Variants in GRM1 observed in about 807,000 individuals in gnomAD.
GRM1 encodes the protein glutamate metabotropic receptor 1.
In GRM1, 33 loss-of-function variants were observed where a neutral mutation model predicts 90.9. The observed-to-expected ratio is 0.36, with a 90% confidence interval of 0.28 to 0.49. The LOEUF is 0.49. GRM1 is among the 20% of genes least tolerant of loss of function. GRM1 has a pLI of 0.99. For missense variants in GRM1, 1,190 were observed against 1,534.3 expected (o/e 0.78, Z 3.75); for synonymous variants, 700 against 613.2 (o/e 1.14, Z -2.09).
At chr6:146,079,859 C>A (rs1274065989) in intron 1 of GRM1, among the ~76,000 whole-genome samples, 1 of 152,190 alleles carries the variant, frequency 6.6e-6, no homozygotes, top group Non-Finnish European at 1.5e-5. Flanking sequence ...GCAGGCAAAT[C>A]CACCATATCT....
intron 2 of GRM1, among the ~76,000 whole-genome samples, chr6:146,168,302 C>T (rs1451714372): frequency 2.6e-5 from 4 of 151,746 alleles, no homozygotes; most frequent in Non-Finnish European, 5.9e-5. Flanking sequence ...TACTTCTTTA[C>T]GTTGTTATTG....
intron 7 of GRM1, among the ~76,000 whole-genome samples, chr6:146,421,922 G>C (rs952496979): frequency 2.0e-5 from 3 of 151,978 alleles, no homozygotes; most frequent in Non-Finnish European, 4.4e-5. Flanking sequence ...TCAAAAAACA[G>C]GCAAAAATGC....
chr6:146,198,348 G>A (rs867315162), intron 2 of GRM1, among the ~76,000 whole-genome samples: 3 of 152,286 alleles, frequency 2.0e-5, no homozygotes, highest in Middle Eastern at 6.8e-3. Flanking sequence ...ATACAGCATC[G>A]ACCCTGCCTC....
chr6:146,154,362 G>A (rs553117432), intron 1 of GRM1, among the ~76,000 whole-genome samples: 2 of 152,178 alleles, frequency 1.3e-5, no homozygotes, highest in African/African-American at 4.8e-5. Context: ...CCTTCCTCGC[G>A]CCCTCTTCTG....
At chr6:146,292,812 A>G (rs1456614309) in intron 2 of GRM1, among the ~76,000 whole-genome samples, 1 of 152,010 alleles carries the variant, frequency 6.6e-6, no homozygotes, top group Non-Finnish European at 1.5e-5. Context: ...AAATGCATGT[A>G]TACATATGTT....
At position 146,322,224 on chromosome 6, in the gene GRM1, C is replaced by T. The variant is rs568335512; in HGVS notation, c.1186+17378C>T. The stretch of plus-strand genomic sequence containing the variant: ...ACCCTGTTTGCCTGGGTATTACCAG[C>T]AGAGGCTGCAGAACAGCAAAGATTG... On this transcript the variant is annotated intron_variant, in intron 3 of 7. Coordinates refer to ENST00000282753, the MANE Select transcript of GRM1 (RefSeq NM_001278064.2). Among the ~76,000 whole-genome samples the T allele has an allele frequency of 1.3e-4, 20 of 152,330 alleles. No homozygotes were observed. In the East Asian group the frequency reaches 3.7e-3, roughly 28 times the overall value.
intron 2 of GRM1, among the ~76,000 whole-genome samples, chr6:146,254,298 C>A (rs1171410820): frequency 1.3e-5 from 2 of 152,048 alleles, no homozygotes; most frequent in Non-Finnish European, 2.9e-5. Context: ...GAGAGAGTAT[C>A]AAATTGGCAG....
intron 1 of GRM1, among the ~76,000 whole-genome samples, chr6:146,056,889 G>A (rs62434302): frequency 1.3e-5 from 2 of 152,136 alleles, no homozygotes; most frequent in Non-Finnish European, 2.9e-5. Context: ...CAGAGTTTCA[G>A]TACTTGGCTA....
At chr6:146,071,988 T>A (rs1237102703) in intron 1 of GRM1, among the ~76,000 whole-genome samples, 1 of 152,106 alleles carries the variant, frequency 6.6e-6, no homozygotes, top group Non-Finnish European at 1.5e-5. Flanking sequence ...AAAGACAGGA[T>A]CTTGGCAGCA....
intron 2 of GRM1, among the ~76,000 whole-genome samples, chr6:146,252,893 C>G (rs1001164981): frequency 6.6e-6 from 1 of 151,848 alleles, no homozygotes; most frequent in Non-Finnish European, 1.5e-5. Context: ...AACTCTGTCT[C>G]TACTAAAAAT....
rs529260979 is a variant in GRM1, at chr6:146,084,841, A to C, written c.700+54624A>C. Among the ~76,000 whole-genome samples, 224 of 152,302 alleles carry C rather than the reference A, an allele frequency of 1.5e-3. 2 individuals carry two copies. The Middle Eastern group carries it at 0.031, about 21-fold the overall frequency. On this transcript the variant is annotated intron_variant, in intron 1 of 7. Transcript: ENST00000282753. ...TGTCTAATATTGACAGTGCATTGTT[A>C]AAGTCTCCCACTATTATTGTGTGGG...
At chr6:146,040,979 C>G (rs1791079348) in intron 1 of GRM1, among the ~76,000 whole-genome samples, 1 of 151,708 alleles carries the variant, frequency 6.6e-6, no homozygotes, top group Non-Finnish European at 1.5e-5. Context: ...TTCAAATAAC[C>G]TGTCTTCAAG....
At chr6:146,092,363 A>G (rs1582990940) in intron 1 of GRM1, among the ~76,000 whole-genome samples, 5 of 152,270 alleles carry the variant, frequency 3.3e-5, no homozygotes. Context: ...ATACAAACAT[A>G]CAGTCCGTAA....
chr6:146,333,782 A>C (rs930943276), intron 3 of GRM1, among the ~76,000 whole-genome samples: 1 of 152,116 alleles, frequency 6.6e-6, no homozygotes, highest in Non-Finnish European at 1.5e-5. Flanking sequence ...CTTATTTTAC[A>C]AGATGAAAAA....
At chr6:146,293,066 AGGT>A (rs1783046376) in intron 2 of GRM1, among the ~76,000 whole-genome samples, 1 of 152,066 alleles carries the variant, frequency 6.6e-6, no homozygotes, top group African/African-American at 2.4e-5. Context: ...TATCCAGAAT[AGGT>A]AAATCTATAG....
At chr6:146,127,530 G>A (rs1380874849) in intron 1 of GRM1, among the ~76,000 whole-genome samples, 1 of 152,150 alleles carries the variant, frequency 6.6e-6, no homozygotes, top group Non-Finnish European at 1.5e-5. Context: ...GTCCACTTGG[G>A]CTCAAAGGAT....
chr6:146,078,776 G>A (rs181849848), intron 1 of GRM1, among the ~76,000 whole-genome samples: 36 of 152,172 alleles, frequency 2.4e-4, no homozygotes, highest in Admixed American at 1.6e-3. Context: ...GTAATTTTAC[G>A]ATACTGTTAG....
intron 1 of GRM1, among the ~76,000 whole-genome samples, chr6:146,033,206 C>G (rs949966216): frequency 1.3e-5 from 2 of 152,016 alleles, no homozygotes; most frequent in Non-Finnish European, 2.9e-5. Context: ...AGTAATGGAG[C>G]CTTATCCACA....
intron 6 of GRM1, among the ~76,000 whole-genome samples, chr6:146,387,652 A>G (rs911082645): frequency 6.6e-6 from 1 of 152,126 alleles, no homozygotes; most frequent in Non-Finnish European, 1.5e-5. Flanking sequence ...ATGAAAGTTT[A>G]TGACACATTT....
Sources: gnomAD v4.1 joint callset for allele counts (sites outside exome capture counted in the v4.1 genomes callset) on GRCh38, gnomAD v4.1.1 for gene constraint, MANE v1.5 for transcripts, NCBI Gene and HGNC (gene_info 2026-07-23, HGNC 2026-07-21) for gene names.